The following LSG1 variants were observed in gnomAD, a reference collection of about 807,000 sequenced individuals.
LSG1 encodes the protein large 60S subunit nuclear export GTPase 1, also known as large subunit GTPase 1 homolog.
A neutral mutation model predicts 82.6 loss-of-function variants in LSG1; 55 were observed. The ratio of observed to expected loss-of-function variants is 0.67; its 90% confidence interval spans 0.54 to 0.83. The LOEUF is 0.83. LSG1 is among the 40% of genes least tolerant of loss of function. LSG1 has a pLI of 0.00. For synonymous variants in LSG1, 272 were observed against 282.5 expected (o/e 0.96, Z 0.37); for missense variants, 809 against 807.9 (o/e 1.00, Z -0.02).
intron 11 of LSG1, among the ~76,000 whole-genome samples, chr3:194,648,075 A>ATTTTTTT (rs990548703): frequency 8.5e-6 from 1 of 117,940 alleles, no homozygotes; most frequent in African/African-American, 3.2e-5. Context: ...CCACACTGCT[A>ATTTTTTT]TTTTTTTTTT....
At chr3:194,653,614 G>A (rs537978955) in intron 7 of LSG1, among the ~76,000 whole-genome samples, 2 of 152,164 alleles carry the variant, frequency 1.3e-5, no homozygotes, top group Admixed American at 6.5e-5. Flanking sequence ...GTTCAGTGCC[G>A]TGACAGACAA....
intron 7 of LSG1, among the ~76,000 whole-genome samples, chr3:194,658,251 G>T (rs915311390): frequency 6.6e-6 from 1 of 152,012 alleles, no homozygotes. Flanking sequence ...AGGTTCAGCC[G>T]ATTCTCCTGC....
chr3:194,649,312 A>G (rs992916849), intron 10 of LSG1, among the ~76,000 whole-genome samples: 1 of 152,126 alleles, frequency 6.6e-6, no homozygotes, highest in African/African-American at 2.4e-5. Context: ...AGCCATCTCT[A>G]TTTATGCCCT....
chr3:194,665,364 A>G (rs1719010183), intron 5 of LSG1, among the ~76,000 whole-genome samples, 193 bp downstream of exon 5: 1 of 152,202 alleles, frequency 6.6e-6, no homozygotes, highest in Non-Finnish European at 1.5e-5. Flanking sequence ...TCACACACTT[A>G]TCAACATATT....
In LSG1 at chr3:194,640,946, A is replaced by G. The variant is rs1718359747; in HGVS notation, c.*1122T>C. The G allele has an allele frequency of 2.6e-5, 4 of 152,434 alleles. No individual in the cohort carries two copies. The highest frequency in any genetic ancestry group is 2.6e-4 in the Admixed American group (4 of 15,256). The allele number at this position is 152,434 out of a possible 1,614,324, so 9.4% of individuals were successfully genotyped here. On this transcript the variant is annotated 3_prime_UTR_variant, in exon 14 of 14. Transcript: ENST00000265245. ...CTTATATGGCCAGAGCAGGAGGGAG[A>G]CAGAGGGGAGGCACCACACACTTTG...
chr3:194,645,575 GACACACACACACACAC>G lies in LSG1; in HGVS notation c.1623+573_1623+588del, dbSNP rs57272537. On this transcript the variant is annotated intron_variant, in intron 12 of 13. Transcript: ENST00000265245. Reference sequence around the variant, plus strand: ...ACACACACACACACACACACAGACAGACACACACACACACACACACACACACACACACACACACACA... The same window carrying G: ...ACACACACACACACACACACAGACAGACACACACACACACACACACACACA... Among the ~76,000 whole-genome samples, 37 of 20,110 alleles carry G rather than the reference GACACACACACACACAC, an allele frequency of 1.8e-3. 2 individuals carry two copies. Among genetic ancestry groups the G allele is most frequent in the African/African-American group, 3.4e-3 (27 of 7,992 alleles). The allele number at this position is 20,110 out of a possible 152,430, so 13.2% of individuals were successfully genotyped here. A position where few individuals can be genotyped will look rare whatever the true frequency, so the allele number is the denominator to read the frequency against.
chr3:194,658,089 T>C (rs1486716444), intron 7 of LSG1, among the ~76,000 whole-genome samples: 1 of 152,196 alleles, frequency 6.6e-6, no homozygotes, highest in African/African-American at 2.4e-5. Context: ...AAAAAGACAG[T>C]ACTTCCTAAG....
chr3:194,653,639 G>A (rs137969683), intron 7 of LSG1, among the ~76,000 whole-genome samples: 6 of 152,274 alleles, frequency 3.9e-5, no homozygotes, highest in East Asian at 1.9e-4. Flanking sequence ...CGAGGGTGGC[G>A]CCCTCCTGGA....
rs530144322 is a variant in LSG1, at chr3:194,641,780, ATT to A, written c.*286_*287del. 4 of 239,896 alleles carry A rather than the reference ATT, an allele frequency of 1.7e-5. No homozygotes were observed. Among genetic ancestry groups the A allele is most frequent in the Non-Finnish European group, 3.2e-5 (4 of 125,880 alleles). 14.9% of individuals were successfully genotyped at this position (239,896 alleles called of 1,614,324 possible). A position where few individuals can be genotyped will look rare whatever the true frequency, so the allele number is the denominator to read the frequency against. ...AGGTGCGCGCCACCACGCCTGGCTA[ATT>A]TTTTTGTATTTTTAGTAGAGACGGG... On this transcript the variant is annotated 3_prime_UTR_variant, in exon 14 of 14. Coordinates refer to ENST00000265245, the MANE Select transcript of LSG1 (RefSeq NM_018385.3).
intron 2 of LSG1, among the ~76,000 whole-genome samples, 197 bp from the exon 3 acceptor site, chr3:194,666,769 A>C (rs1350365881): frequency 1.3e-5 from 2 of 152,306 alleles, no homozygotes; most frequent in South Asian, 4.1e-4. Context: ...GAGTTACTAC[A>C]TTCTTTTTGA....
intron 1 of LSG1, among the ~76,000 whole-genome samples, chr3:194,670,585 C>G (rs1438936065): frequency 1.3e-5 from 2 of 152,134 alleles, no homozygotes; most frequent in Non-Finnish European, 1.5e-5. Flanking sequence ...CATTCAAGTA[C>G]CGTTCAGTAC....
intron 11 of LSG1, among the ~76,000 whole-genome samples, chr3:194,646,966 C>T (rs764576353): frequency 6.6e-6 from 1 of 152,226 alleles, no homozygotes; most frequent in Admixed American, 6.5e-5. Context: ...CCCTTTAATA[C>T]TAACTCAATT....
At position 194,665,612 on chromosome 3, in the gene LSG1, G is replaced by C; in HGVS notation, c.466C>G (p.Pro156Ala). Residue 156 changes from proline (P) to alanine (A), a missense_variant, in exon 5 of 14, where the codon CCA becomes GCA. Transcript: ENST00000265245. ...LEEEQKLILT[P>A]FERNLDFWRQ... ...CAAAAGTCCAAATTTCGTTCAAATG[G>C]AGTCAATATCAGCTTCTGTTCCTCT... The C allele has an allele frequency of 1.9e-6, 3 of 1,613,174 alleles. No individual in the cohort carries two copies. The highest frequency in any genetic ancestry group is 2.2e-5 in the East Asian group (1 of 44,856).
intron 5 of LSG1, 21 bp downstream of exon 5, chr3:194,665,536 C>T (rs369291537): frequency 6.3e-7 from 1 of 1,582,340 alleles, no homozygotes; most frequent in South Asian, 1.1e-5. Context: ...CTTTATTACA[C>T]AAAAGAAAAT....
intron 11 of LSG1, among the ~76,000 whole-genome samples, chr3:194,647,740 C>T (rs1247108554): frequency 6.6e-6 from 1 of 152,202 alleles, no homozygotes; most frequent in East Asian, 1.9e-4. Context: ...GCAGGGAGAT[C>T]TCACCCAGGC....
In LSG1 at chr3:194,652,988, C is replaced by T. The variant is rs761959891; in HGVS notation, c.914G>A (p.Ser305Asn). The stretch of plus-strand genomic sequence containing the variant: ...CTCCTCTGGACAGTCCTCATACTCA[C>T]TGTCATCTTCATCCGTTGTGGGATT... The part of the protein sequence containing the change: ...SENPTTDEDD[S>N]EYEDCPEEEE... The change falls in exon 8 of 14, where the codon AGT (serine) becomes AAT (asparagine). Residue 305 changes from serine (S) to asparagine (N), a missense_variant. By Grantham distance (46) the Ser-to-Asn change is conservative. Coordinates refer to ENST00000265245, the MANE Select transcript of LSG1 (RefSeq NM_018385.3). 1.2e-6 allele frequency: 2 copies of T among 1,614,178 alleles called. No individual in the cohort carries two copies. The highest frequency in any genetic ancestry group is 2.2e-5 in the South Asian group (2 of 91,076).
intron 12 of LSG1, 83 bp from the exon 13 acceptor site, chr3:194,644,829 C>G: frequency 1.8e-6 from 2 of 1,110,946 alleles, no homozygotes; most frequent in Admixed American, 3.1e-5. Flanking sequence ...CAGTCACACT[C>G]TGATGGAGCT....
intron 8 of LSG1, chr3:194,651,433 CA>C (rs1289288679): frequency 5.4e-6 from 3 of 557,194 alleles, no homozygotes; most frequent in African/African-American, 3.8e-5. Context: ...AAGTTATGCA[CA>C]TTTTAATATT....
intron 5 of LSG1, chr3:194,660,941 C>T (rs1383059791): frequency 1.1e-5 from 5 of 456,042 alleles, no homozygotes; most frequent in Admixed American, 9.4e-5. Flanking sequence ...TTCCTTCAGC[C>T]TCTGTGCTAG....
Sources: allele counts gnomAD v4.1 joint callset (sites outside exome capture counted in the v4.1 genomes callset), GRCh38; gene constraint gnomAD v4.1.1; transcripts MANE v1.5; gene names NCBI Gene and HGNC (gene_info 2026-07-23, HGNC 2026-07-21).